RBM33: variants seen among roughly 807,000 people sequenced by gnomAD.
The protein encoded by RBM33 is RNA-binding protein 33.
In RBM33, 28 loss-of-function variants were observed where a neutral mutation model predicts 132.6. That is an observed-to-expected ratio of 0.21 (90% confidence interval 0.16 to 0.29). RBM33 has a LOEUF of 0.29. Among genes scored for constraint, RBM33 ranks in the 10% least tolerant of loss-of-function variants. RBM33 has a pLI of 1.00. For missense variants in RBM33, 1,291 were observed against 1,518.5 expected, an observed-to-expected ratio of 0.85 and a Z score of 2.49; for synonymous variants, 634 against 593.0, an observed-to-expected ratio of 1.07 and a Z score of -1.01.
chr7:155,672,328 G>C (rs562496518), intron 2 of RBM33, among the ~76,000 whole-genome samples: 1 of 152,094 alleles, frequency 6.6e-6, no homozygotes, highest in Admixed American at 6.6e-5. Flanking sequence ...ACAAAACTAA[G>C]ATTAGAAGTA....
intron 14 of RBM33, among the ~76,000 whole-genome samples, chr7:155,749,029 A>G (rs185610517): frequency 4.0e-4 from 61 of 152,312 alleles, no homozygotes; most frequent in African/African-American, 1.3e-3. Context: ...GCACGCAGTC[A>G]TGTGATGGGG....
At chr7:155,680,543 T>C (rs1321222858) in intron 4 of RBM33, 47 bp from the exon 5 acceptor site, 1 of 1,308,132 alleles carries the variant, frequency 7.6e-7, no homozygotes, top group Non-Finnish European at 1.0e-6. Flanking sequence ...TAGTTTGAGC[T>C]CCTCTCTTCA....
chr7:155,746,691 C>T (rs1801527666), intron 14 of RBM33: 1 of 152,160 alleles, frequency 6.6e-6, no homozygotes, highest in Non-Finnish European at 1.5e-5. Context: ...CTGTTGTTTT[C>T]ATGAAAATGA....
chr7:155,740,406 C>A (rs1478276489), intron 12 of RBM33, among the ~76,000 whole-genome samples: 1 of 152,214 alleles, frequency 6.6e-6, no homozygotes, highest in Non-Finnish European at 1.5e-5. Context: ...TTATCTCTGT[C>A]TTTTTGGTCC....
At chr7:155,652,857 A>C (rs1310830485) in intron 1 of RBM33, among the ~76,000 whole-genome samples, 2 of 152,162 alleles carry the variant, frequency 1.3e-5, no homozygotes, top group Non-Finnish European at 2.9e-5. Context: ...TATGAACTGG[A>C]ACTTTAAAAA....
chr7:155,774,549 C>T lies in RBM33; in HGVS notation c.3376-10C>T. On this transcript the variant is annotated splice_polypyrimidine_tract_variant and intron_variant, in intron 16 of 17. Transcript: ENST00000401878. The surrounding 1 kb of genome is among the most constrained non-coding windows in gnomAD (Gnocchi z 4.2). ...CAACTGATCTTAAAGTGTTTGTTTTCTTCCTCTAGAGTTTACAGATGCTTC... is the reference window on the plus strand; with the variant it reads ...CAACTGATCTTAAAGTGTTTGTTTTTTTCCTCTAGAGTTTACAGATGCTTC... 6.2e-7 allele frequency: 1 copy of T among 1,604,146 alleles called. No individual in the cohort carries two copies. Among genetic ancestry groups the T allele is most frequent in the East Asian group, 2.2e-5 (1 of 44,846 alleles).
chr7:155,748,850 G>A (rs956818058), intron 14 of RBM33, among the ~76,000 whole-genome samples: 2 of 152,030 alleles, frequency 1.3e-5, no homozygotes, highest in East Asian at 3.9e-4. Context: ...TCCTGGTATT[G>A]TTTCTTACAC....
intron 9 of RBM33, among the ~76,000 whole-genome samples, chr7:155,733,546 G>A (rs182343298): frequency 1.1e-5 from 1 of 91,838 alleles, no homozygotes; most frequent in South Asian, 3.0e-4. Context: ...ATCGACAGTG[G>A]TGACAGTGTC....
intron 9 of RBM33, among the ~76,000 whole-genome samples, chr7:155,724,883 G>T (rs1252602452): frequency 6.6e-6 from 1 of 152,132 alleles, no homozygotes; most frequent in Non-Finnish European, 1.5e-5. Context: ...TAGTATTCCA[G>T]TATATGGATA....
chr7:155,706,113 A>G (rs2116967611), intron 6 of RBM33, among the ~76,000 whole-genome samples: 1 of 152,306 alleles, frequency 6.6e-6, no homozygotes, highest in South Asian at 2.1e-4. Context: ...GTATGCTATT[A>G]ATAGCTCTAC....
At position 155,780,749 on chromosome 7, in the gene RBM33, G is replaced by A. The variant is rs1802791613; in HGVS notation, c.*5708G>A. ...TGAGAACTCCACGTGGGCTGGGTGGGAAGGTGCTGACGATTTTCACACTGT... is the reference window on the plus strand; with the variant it reads ...TGAGAACTCCACGTGGGCTGGGTGGAAAGGTGCTGACGATTTTCACACTGT... On this transcript the variant is annotated 3_prime_UTR_variant, in exon 18 of 18. Coordinates refer to ENST00000401878, the MANE Select transcript of RBM33 (RefSeq NM_053043.3). The A allele has an allele frequency of 6.6e-6, 1 of 152,238 alleles. No homozygotes were observed. The highest frequency in any genetic ancestry group is 2.4e-5 in the African/African-American group (1 of 41,434). The allele number at this position is 152,238 out of a possible 1,614,324, so 9.4% of individuals were successfully genotyped here.
chr7:155,735,707 C>G (rs974344582), intron 9 of RBM33, among the ~76,000 whole-genome samples: 1 of 147,308 alleles, frequency 6.8e-6, no homozygotes. Flanking sequence ...CTCTCTCTCT[C>G]TCTCTCTCTC....
chr7:155,713,108 A>C (rs1331268435), intron 8 of RBM33, among the ~76,000 whole-genome samples: 2 of 151,964 alleles, frequency 1.3e-5, no homozygotes, highest in African/African-American at 4.8e-5. Context: ...GGGAGAGAGG[A>C]GGTAAGAGTG....
chr7:155,673,952 T>TTTTTTTTTTTTTTTTTTTTTTTC (rs1799099171), intron 3 of RBM33, among the ~76,000 whole-genome samples: 1 of 116,026 alleles, frequency 8.6e-6, no homozygotes, highest in Non-Finnish European at 1.8e-5. Context: ...TTTTTTTTTT[T>TTTTTTTTTTTTTTTTTTTTTTTC]TTTTTTTTTT....
intron 16 of RBM33, among the ~76,000 whole-genome samples, chr7:155,770,239 C>T (rs975634216): frequency 2.6e-5 from 4 of 152,212 alleles, no homozygotes; most frequent in African/African-American, 7.2e-5. Flanking sequence ...AAACTCGGTG[C>T]GGGCTGGAGT....
chr7:155,693,262 A>G (rs1799696750), intron 5 of RBM33, among the ~76,000 whole-genome samples: 1 of 152,068 alleles, frequency 6.6e-6, no homozygotes, highest in Non-Finnish European at 1.5e-5. Context: ...AGGTGGTTAA[A>G]CGCCGACCCT....
chr7:155,660,028 A>T (rs1798598246), intron 1 of RBM33, among the ~76,000 whole-genome samples: 1 of 152,202 alleles, frequency 6.6e-6, no homozygotes, highest in Non-Finnish European at 1.5e-5. Flanking sequence ...TGCCCTCTTT[A>T]ATATCCAGTG....
chr7:155,685,180 C>T (rs1245223342), intron 5 of RBM33: 2 of 950,960 alleles, frequency 2.1e-6, no homozygotes, highest in Non-Finnish European at 3.0e-6. Context: ...TAGTGAAAAA[C>T]TTGAACTTTC....
Position 155,776,968 on chromosome 7 carries a change from G to A in RBM33, c.*1927G>A, listed in dbSNP as rs777722365. The A allele has an allele frequency of 2.0e-5, 3 of 152,194 alleles. No homozygotes were observed. The highest frequency in any genetic ancestry group is 2.1e-4 in the South Asian group (1 of 4,820). The allele number at this position is 152,194 out of a possible 1,614,324, so 9.4% of individuals were successfully genotyped here. ...AATTAAGAGAGATCCAAACCACTCAGTACCCACTGGGCAGTGGGAAGGCCT... is the reference window on the plus strand; with the variant it reads ...AATTAAGAGAGATCCAAACCACTCAATACCCACTGGGCAGTGGGAAGGCCT... On this transcript the variant is annotated 3_prime_UTR_variant, in exon 18 of 18. Transcript: ENST00000401878. This position sits in a 1 kb window ranked among gnomAD's most constrained non-coding sequence, Gnocchi z 4.0.
Sources: allele counts gnomAD v4.1 joint callset (sites outside exome capture counted in the v4.1 genomes callset), GRCh38; gene constraint gnomAD v4.1.1; non-coding constraint Gnocchi (gnomAD v3.1); transcripts MANE v1.5; gene names NCBI Gene and HGNC (gene_info 2026-07-23, HGNC 2026-07-21).